Variants in FBXW5 observed in about 807,000 individuals in gnomAD.
FBXW5 encodes F-box/WD repeat-containing protein 5.
In FBXW5, 74 loss-of-function variants were observed where a neutral mutation model predicts 50.9. That is an observed-to-expected ratio of 1.45 (90% CI 1.20 to 1.76). FBXW5 has a LOEUF of 1.76. Ranked by LOEUF, FBXW5 falls within the 40% of genes most tolerant of loss-of-function variation. The probability of loss-of-function intolerance (pLI) is 0.00; values close to 1 mark genes in which losing one functional copy is unlikely to be tolerated. For synonymous variants in FBXW5, 523 were observed against 362.2 expected (o/e 1.44, Z -5.04); for missense variants, 1,073 against 818.8 (o/e 1.31, Z -3.79).
At position 136,944,710 on chromosome 9, in the gene FBXW5, C is replaced by G. The variant is rs964407097; in HGVS notation, c.-140G>C. 3.0e-6 allele frequency: 3 copies of G among 985,648 alleles called. No homozygotes were observed. In the African/African-American group the frequency reaches 5.2e-5, roughly 17 times the overall value. 61.1% of individuals were successfully genotyped at this position (985,648 alleles called of 1,614,324 possible). On this transcript the variant is annotated 5_prime_UTR_variant, in exon 1 of 9. Transcript: ENST00000325285. ...AACGGGGAGCCCGCCAGGCCCGACG[C>G]CACGAGCCCCGAGGCATCGATGGCC...
Position 136,942,700 on chromosome 9 carries a change from G to A in FBXW5, c.527-5C>T, listed in dbSNP as rs374271255. On this transcript the variant is annotated splice_polypyrimidine_tract_variant and splice_region_variant and intron_variant, in intron 4 of 8. Transcript: ENST00000325285. ...GGGACAGCAGCGCGAAGGAGTCTGT[G>A]GGGAGGCCGGGGCTGGACAGGCTGT... 3.7e-6 allele frequency: 6 copies of A among 1,611,226 alleles called. No individual in the cohort carries two copies. The highest frequency in any genetic ancestry group is 1.1e-5 in the South Asian group (1 of 90,888).
chr9:136,944,706 G>A lies in FBXW5; in HGVS notation c.-136C>T, dbSNP rs1403993857. On this transcript the variant is annotated 5_prime_UTR_variant, in exon 1 of 9. Coordinates refer to ENST00000325285, the MANE Select transcript of FBXW5 (RefSeq NM_018998.4). ...GCCCAACGGGGAGCCCGCCAGGCCC[G>A]ACGCCACGAGCCCCGAGGCATCGAT... The A allele has an allele frequency of 2.0e-6, 2 of 985,690 alleles. No individual in the cohort carries two copies. Among genetic ancestry groups the A allele is most frequent in the Non-Finnish European group, 2.4e-6 (2 of 829,896 alleles). The allele number at this position is 985,690 out of a possible 1,614,324, so 61.1% of individuals were successfully genotyped here.
At position 136,942,076 on chromosome 9, in the gene FBXW5, C is replaced by A. The variant is rs1458332776; in HGVS notation, c.1066G>T (p.Gly356Cys). ...TGGTGTGGGGAGTAGGTGAGGCAGCCAGTGGTGAAGATGAGGTACTTGCTC... is the reference window on the plus strand; with the variant it reads ...TGGTGTGGGGAGTAGGTGAGGCAGCAAGTGGTGAAGATGAGGTACTTGCTC... ...AKSKYLIFTT[G>C]CLTYSPHQIG... is the part of the protein sequence containing the mutation. Residue 356 changes from glycine (G) to cysteine (C), a missense_variant, in exon 6 of 9, where the codon GGC becomes TGC. Gly to Cys is a radical substitution (Grantham distance 159, BLOSUM62 -3). Coordinates refer to ENST00000325285, the MANE Select transcript of FBXW5 (RefSeq NM_018998.4). 2 of 1,611,346 alleles carry A rather than the reference C, an allele frequency of 1.2e-6. No individual in the cohort carries two copies. Among genetic ancestry groups the A allele is most frequent in the Admixed American group, 1.7e-5 (1 of 59,892 alleles).
At chr9:136,944,286 C>A in intron 1 of FBXW5, 180 bp from the exon 2 acceptor site, 1 of 705,930 alleles carries the variant, frequency 1.4e-6, no homozygotes, top group Non-Finnish European at 2.0e-6. Context: ...GCCGGGCCGG[C>A]CCCTCTCCGC....
At chr9:136,941,833 A>G in intron 6 of FBXW5, 149 bp from the exon 7 acceptor site, 1 of 1,437,694 alleles carries the variant, frequency 7.0e-7, no homozygotes, top group Non-Finnish European at 9.1e-7. Flanking sequence ...GACCTGAATC[A>G]GGCCCGTCGG....
chr9:136,942,500 GGC>G, intron 5 of FBXW5, 34 bp from the exon 6 acceptor site: 3 of 1,597,238 alleles, frequency 1.9e-6, no homozygotes, highest in Non-Finnish European at 2.6e-6. Context: ...GTGGGCGCCG[GGC>G]GCCAGGCCCC....
Position 136,940,814 on chromosome 9 carries a change from C to T in FBXW5, c.*114G>A. 1 of 1,424,768 alleles carries T rather than the reference C, an allele frequency of 7.0e-7. No homozygotes were observed. Among genetic ancestry groups the T allele is most frequent in the South Asian group, 1.4e-5 (1 of 71,416 alleles). The allele number at this position is 1,424,768 out of a possible 1,614,324, so 88.3% of individuals were successfully genotyped here. On this transcript the variant is annotated 3_prime_UTR_variant, in exon 9 of 9. Transcript: ENST00000325285. Reference sequence around the variant, plus strand: ...AGCGTGTGGCGGGGCCTGGTTGTCCCCTTCCTAAGGCGTAACTGCTATAAG... The same window carrying T: ...AGCGTGTGGCGGGGCCTGGTTGTCCTCTTCCTAAGGCGTAACTGCTATAAG...
In FBXW5 at chr9:136,944,662, C is replaced by G; in HGVS notation, c.-92G>C. ...CCGGACCCGCTTCCGCTGCCGCAGC[C>G]GCTCGGACCGCCGCCCCCGCCCAAC... On this transcript the variant is annotated 5_prime_UTR_variant, in exon 1 of 9. Transcript: ENST00000325285. 1.0e-6 allele frequency: 1 copy of G among 985,590 alleles called. No homozygotes were observed. The highest frequency in any genetic ancestry group is 1.2e-6 in the Non-Finnish European group (1 of 829,798). The allele number at this position is 985,590 out of a possible 1,614,324, so 61.1% of individuals were successfully genotyped here.
chr9:136,941,449 T>TTC lies in FBXW5; in HGVS notation c.1257_1258dup (p.Asn420ArgfsTer38). 6.2e-7 allele frequency: 1 copy of TTC among 1,607,780 alleles called. No homozygotes were observed. The highest frequency in any genetic ancestry group is 8.5e-7 in the Non-Finnish European group (1 of 1,179,822). On this transcript the variant is annotated frameshift_variant, in exon 8 of 9. Coordinates refer to ENST00000325285, the MANE Select transcript of FBXW5 (RefSeq NM_018998.4). LOFTEE classifies it high-confidence loss of function. The stretch of plus-strand genomic sequence containing the variant: ...CGCACCGTTGGGCCAGGCGCGGCTG[T>TTC]TCACGTACAGGTACCTGGGCGAGGG...
In FBXW5 at chr9:136,942,331, C is replaced by T; in HGVS notation, c.811G>A (p.Asp271Asn). The T allele has an allele frequency of 6.2e-7, 1 of 1,601,144 alleles. No homozygotes were observed. Among genetic ancestry groups the T allele is most frequent in the Non-Finnish European group, 8.5e-7 (1 of 1,174,944 alleles). Residue 271 changes from aspartate to asparagine, a missense_variant, in exon 6 of 9, where the codon GAC becomes AAC. Physicochemically the swap from Asp to Asn is conservative, Grantham distance 23 (BLOSUM62 1). Transcript: ENST00000325285. ...ATGCGGCAGGGGGACGTGGCCGGGT[C>T]ACCGGCTTCCAGCAGCAGGTCAGGG... The part of the protein sequence containing the change: ...DSPDLLLEAG[D>N]PATSPCRIFD...
chr9:136,943,471 A>T lies in FBXW5; in HGVS notation c.229T>A (p.Tyr77Asn), dbSNP rs1260413998. 1 of 1,612,192 alleles carries T rather than the reference A, an allele frequency of 6.2e-7. No individual in the cohort carries two copies. Among genetic ancestry groups the T allele is most frequent in the Non-Finnish European group, 8.5e-7 (1 of 1,179,602 alleles). ...ACCTCCACGCAGGGCACCGTGTCAT[A>T]CAGCCGCTGGAACTCCTCGTACCAG... ...MSWYEEFQRL[Y>N]DTVPCVEVQT... is the part of the protein sequence containing the mutation. The change falls in exon 3 of 9, where the codon TAT (tyrosine) becomes AAT (asparagine). Residue 77 changes from tyrosine (Y) to asparagine (N), a missense_variant. By Grantham distance (143) the Tyr-to-Asn change is moderately radical (BLOSUM62 -2). Coordinates refer to ENST00000325285, the MANE Select transcript of FBXW5 (RefSeq NM_018998.4).
rs777365935 is a variant in FBXW5, at chr9:136,942,643, G to A, written c.579C>T (p.Gly193=). The A allele has an allele frequency of 1.4e-5, 22 of 1,609,656 alleles. No homozygotes were observed. Among genetic ancestry groups the A allele is most frequent in the Admixed American group, 8.4e-5 (5 of 59,490 alleles). The change falls in exon 5 of 9, where the codon GGC becomes GGT. Residue 193 remains glycine, a synonymous_variant. Transcript: ENST00000325285. ...TGAGGCTGGTCTCGGTGAGCCAACA[G>A]CCAAACACGTCATAGGGCTTGTTCC... ...RVRNKPYDVF[G]CWLTETSLIS...
chr9:136,943,820 G>T, intron 2 of FBXW5, 71 bp downstream of exon 2: 1 of 1,489,322 alleles, frequency 6.7e-7, no homozygotes, highest in Non-Finnish European at 9.1e-7. Context: ...CCCCAGCCAG[G>T]CTGACCCCCA....
At chr9:136,942,976 G>C in intron 3 of FBXW5, 33 bp from the exon 4 acceptor site, 1 of 1,611,432 alleles carries the variant, frequency 6.2e-7, no homozygotes, top group Non-Finnish European at 8.5e-7. Flanking sequence ...GTGATCGCCT[G>C]GCCAGGTCGC....
intron 6 of FBXW5, 138 bp downstream of exon 6, chr9:136,941,908 T>A: frequency 1.4e-6 from 2 of 1,439,710 alleles, no homozygotes; most frequent in Non-Finnish European, 1.8e-6. Flanking sequence ...GCCCCAGGTC[T>A]GGGCTTGTGA....
chr9:136,944,464 A>G (rs1850954824), intron 1 of FBXW5, 130 bp downstream of exon 1: 1 of 974,054 alleles, frequency 1.0e-6, no homozygotes, highest in Non-Finnish European at 1.2e-6. Flanking sequence ...GCGGCCCTGG[A>G]GCAGCTCTGC....
At chr9:136,943,691 C>T (rs549775984) in intron 2 of FBXW5, among the ~76,000 whole-genome samples, 185 bp from the exon 3 acceptor site, 1 of 152,224 alleles carries the variant, frequency 6.6e-6, no homozygotes, top group African/African-American at 2.4e-5. Flanking sequence ...CCCCACCCCC[C>T]AAGTGACCCA....
In FBXW5 at chr9:136,943,896, T is replaced by G; in HGVS notation, c.188A>C (p.His63Pro). The G allele has an allele frequency of 6.5e-7, 1 of 1,549,754 alleles. No individual in the cohort carries two copies. The highest frequency in any genetic ancestry group is 1.4e-5 in the African/African-American group (1 of 73,134). Residue 63 changes from histidine (H) to proline (P), a missense_variant, in exon 2 of 9, where the codon CAC becomes CCC. Physicochemically the swap from His to Pro is moderately conservative, Grantham distance 77 (BLOSUM62 -2). Transcript: ENST00000325285. Reference protein sequence around the residue: ...YYQVARDVPRHPAAMSWYEEF... With the variant: ...YYQVARDVPRPPAAMSWYEEF... Reference sequence around the variant, plus strand: ...GGGCCCCACACGCCACTGACCTGGGTGTCGGGGCACGTCGCGGGCCACCTG... The same window carrying G: ...GGGCCCCACACGCCACTGACCTGGGGGTCGGGGCACGTCGCGGGCCACCTG...
chr9:136,943,694 G>A (rs1026446170), intron 2 of FBXW5, among the ~76,000 whole-genome samples, 188 bp from the exon 3 acceptor site: 1 of 152,166 alleles, frequency 6.6e-6, no homozygotes, highest in Non-Finnish European at 1.5e-5. Context: ...CACCCCCCAA[G>A]TGACCCAATG....
Sources: allele counts gnomAD v4.1 joint callset (sites outside exome capture counted in the v4.1 genomes callset), GRCh38; gene constraint gnomAD v4.1.1; transcripts MANE v1.5; gene names NCBI Gene and HGNC (gene_info 2026-07-23, HGNC 2026-07-21).